Variants in AGMO observed in about 807,000 individuals in gnomAD.
The protein encoded by AGMO is glyceryl-ether monooxygenase.
In AGMO, 75 loss-of-function variants were observed where a neutral mutation model predicts 60.2. The observed-to-expected ratio is 1.25, with a 90% CI of 1.03 to 1.51. The LOEUF (loss-of-function observed/expected upper bound fraction) is 1.51. Among genes scored for constraint, AGMO ranks in the 40% most tolerant of loss-of-function variants. The pLI, the probability that AGMO is intolerant of heterozygous loss-of-function variation, is 0.00. For missense variants in AGMO, 763 were observed against 525.5 expected (o/e 1.45, Z -4.42); for synonymous variants, 261 against 177.1 (o/e 1.47, Z -3.76).
At chr7:15,135,453 T>A in the AGMO span, among the ~76,000 whole-genome samples, 1 of 152,168 alleles carries the variant, frequency 6.6e-6, no homozygotes, top group Non-Finnish European at 1.5e-5. Flanking sequence ...CAGCCATATA[T>A]TTTGACTTTA....
chr7:15,481,789 ATTT>A (rs5882513), intron 3 of AGMO, among the ~76,000 whole-genome samples: 12 of 98,680 alleles, frequency 1.2e-4, no homozygotes, highest in Admixed American at 2.2e-4. Flanking sequence ...GACTAAATGT[ATTT>A]TTTTTTTTTT....
intron 3 of AGMO, among the ~76,000 whole-genome samples, chr7:15,516,582 A>C (rs564315834): frequency 1.3e-5 from 2 of 152,302 alleles, no homozygotes; most frequent in South Asian, 4.1e-4. Flanking sequence ...ACTATTTACA[A>C]CTTCCTTTGT....
chr7:15,204,521 C>T (rs79985180), intron 12 of AGMO, among the ~76,000 whole-genome samples: 1,981 of 152,268 alleles, frequency 0.013, 24 homozygotes, highest in Non-Finnish European at 0.019. Context: ...CATACAAACT[C>T]AATGCACACT....
At chr7:15,287,007 G>A (rs1238910915) in intron 12 of AGMO, among the ~76,000 whole-genome samples, 2 of 152,142 alleles carry the variant, frequency 1.3e-5, no homozygotes, top group Non-Finnish European at 2.9e-5. Flanking sequence ...TCACTTATAT[G>A]TGGGAGTTAA....
At chr7:15,415,515 C>T (rs1780740153) in intron 5 of AGMO, among the ~76,000 whole-genome samples, 1 of 151,892 alleles carries the variant, frequency 6.6e-6, no homozygotes, top group Admixed American at 6.6e-5. Context: ...TGTACTCCAG[C>T]CTGGCAACAG....
chr7:15,371,294 C>G (rs1236329418), intron 10 of AGMO, among the ~76,000 whole-genome samples: 1 of 152,066 alleles, frequency 6.6e-6, no homozygotes, highest in Admixed American at 6.6e-5. Context: ...CATCTAAGCT[C>G]ACGACAACCT....
intron 3 of AGMO, among the ~76,000 whole-genome samples, chr7:15,442,680 C>T (rs757155729): frequency 5.9e-5 from 9 of 151,918 alleles, no homozygotes; most frequent in Non-Finnish European, 1.3e-4. Context: ...AGGGCTCCAC[C>T]CCCGGGGCCT....
At chr7:15,286,411 A>G (rs916224755) in intron 12 of AGMO, among the ~76,000 whole-genome samples, 1 of 152,154 alleles carries the variant, frequency 6.6e-6, no homozygotes, top group Non-Finnish European at 1.5e-5. Flanking sequence ...AAGTGGCCAA[A>G]TGACATAAAT....
chr7:15,492,186 T>A (rs1242059976), intron 3 of AGMO, among the ~76,000 whole-genome samples: 1 of 152,104 alleles, frequency 6.6e-6, no homozygotes. Flanking sequence ...TGGTTTGGCA[T>A]AACACAGCTA....
intron 2 of AGMO, among the ~76,000 whole-genome samples, chr7:15,559,779 C>T (rs373294442): frequency 3.9e-5 from 6 of 151,912 alleles, no homozygotes; most frequent in Admixed American, 1.3e-4. Context: ...ATTTGTGTGA[C>T]CTGCTCTAGG....
intron 12 of AGMO, among the ~76,000 whole-genome samples, chr7:15,332,116 A>G (rs1447147862): frequency 6.6e-6 from 1 of 152,180 alleles, no homozygotes; most frequent in Non-Finnish European, 1.5e-5. Flanking sequence ...GATACACACT[A>G]GACAGGAAGG....
At chr7:15,250,904 C>T (rs1209944354) in intron 12 of AGMO, among the ~76,000 whole-genome samples, 1 of 151,778 alleles carries the variant, frequency 6.6e-6, no homozygotes, top group African/African-American at 2.4e-5. Context: ...GAGATTGCAC[C>T]ACTGCACTCC....
chr7:15,299,453 C>G (rs1278144275), intron 12 of AGMO, among the ~76,000 whole-genome samples: 1 of 152,134 alleles, frequency 6.6e-6, no homozygotes, highest in African/African-American at 2.4e-5. Flanking sequence ...AGCACCTAAT[C>G]TATGAGTACT....
At chr7:15,146,411 G>T in the AGMO span, among the ~76,000 whole-genome samples, 3 of 152,104 alleles carry the variant, frequency 2.0e-5, no homozygotes, top group South Asian at 6.2e-4. Flanking sequence ...AATTATTAGG[G>T]TTGCATGAAA....
At chr7:15,346,027 T>C (rs1782019923) in intron 12 of AGMO, among the ~76,000 whole-genome samples, 1 of 152,162 alleles carries the variant, frequency 6.6e-6, no homozygotes, top group African/African-American at 2.4e-5. Flanking sequence ...ATTTTCCTTT[T>C]AAAGCAAAGA....
intron 12 of AGMO, among the ~76,000 whole-genome samples, chr7:15,231,369 G>A (rs1459493948): frequency 6.6e-6 from 1 of 152,122 alleles, no homozygotes. Flanking sequence ...TTCCCCAGCA[G>A]TGAGTCAATG....
intron 10 of AGMO, among the ~76,000 whole-genome samples, chr7:15,379,519 C>A (rs1022402742): frequency 3.3e-5 from 5 of 151,994 alleles, no homozygotes; most frequent in African/African-American, 4.8e-5. Flanking sequence ...AGACGAATTT[C>A]CTGGATACAT....
intron 12 of AGMO, among the ~76,000 whole-genome samples, chr7:15,294,827 A>G (rs1389279379): frequency 6.6e-6 from 1 of 151,982 alleles, no homozygotes; most frequent in African/African-American, 2.4e-5. Context: ...GCATATGATA[A>G]TTTAATACAT....
At chr7:15,311,536 T>C (rs1307689713) in intron 12 of AGMO, among the ~76,000 whole-genome samples, 1 of 152,102 alleles carries the variant, frequency 6.6e-6, no homozygotes, top group Non-Finnish European at 1.5e-5. Flanking sequence ...CGGGCTCAGA[T>C]GTGCAGCCAA....
Sources: gnomAD v4.1 joint callset for allele counts (sites outside exome capture counted in the v4.1 genomes callset) on GRCh38, gnomAD v4.1.1 for gene constraint, MANE v1.5 for transcripts, NCBI Gene and HGNC (gene_info 2026-07-23, HGNC 2026-07-21) for gene names.